The following GNAQ variants were observed in gnomAD, a reference collection of about 807,000 sequenced individuals.
GNAQ encodes the protein G protein subunit alpha q, also known as guanine nucleotide-binding protein G(q) subunit alpha.
In GNAQ, 8 loss-of-function variants were observed where a neutral mutation model predicts 43.9. The observed-to-expected ratio is 0.18, with a 90% CI of 0.11 to 0.33. The LOEUF is 0.33. Ranked by LOEUF, GNAQ falls within the 10% of genes least tolerant of loss-of-function variation. The probability of loss-of-function intolerance (pLI) is 1.00; values close to 1 mark genes in which losing one functional copy is unlikely to be tolerated. For synonymous variants in GNAQ, 155 were observed against 170.7 expected, an observed-to-expected ratio of 0.91 and a Z score of 0.71; for missense variants, 158 against 450.8, an observed-to-expected ratio of 0.35 and a Z score of 5.88.
intron 2 of GNAQ, among the ~76,000 whole-genome samples, chr9:77,826,899 C>T (rs990439941): frequency 6.6e-6 from 1 of 152,102 alleles, no homozygotes; most frequent in Non-Finnish European, 1.5e-5. Context: ...TTTTTGTATT[C>T]AGTAAAACAA....
chr9:77,973,798 A>T (rs1758858469), intron 1 of GNAQ, among the ~76,000 whole-genome samples: 2 of 152,294 alleles, frequency 1.3e-5, no homozygotes, highest in African/African-American at 4.8e-5. Flanking sequence ...AGCCTGGGCG[A>T]CAGAGTGAGA....
chr9:77,987,778 C>T (rs905956821), intron 1 of GNAQ, among the ~76,000 whole-genome samples: 1 of 152,138 alleles, frequency 6.6e-6, no homozygotes, highest in Non-Finnish European at 1.5e-5. Context: ...CACCTGCAGT[C>T]CCAGCTATTT....
At chr9:77,827,825 A>G (rs528199475) in intron 2 of GNAQ, among the ~76,000 whole-genome samples, 1 of 152,120 alleles carries the variant, frequency 6.6e-6, no homozygotes, top group African/African-American at 2.4e-5. Flanking sequence ...GTTAAAAAAT[A>G]TATGAGTTAG....
At chr9:77,750,628 A>C (rs1196873182) in intron 5 of GNAQ, among the ~76,000 whole-genome samples, 1 of 150,806 alleles carries the variant, frequency 6.6e-6, no homozygotes, top group East Asian at 1.9e-4. Flanking sequence ...CTTTATTTCT[A>C]ACTCTTTCTT....
chr9:77,885,126 C>T (rs143016451), intron 2 of GNAQ, among the ~76,000 whole-genome samples: 227 of 152,212 alleles, frequency 1.5e-3, no homozygotes, highest in African/African-American at 5.2e-3. Flanking sequence ...TTGTCCCATA[C>T]CTTCATTTTG....
intron 1 of GNAQ, among the ~76,000 whole-genome samples, chr9:77,944,043 A>C (rs917105436): frequency 1.3e-5 from 2 of 152,132 alleles, no homozygotes; most frequent in Non-Finnish European, 2.9e-5. Context: ...AACATTCAAT[A>C]GTGAGAAAAT....
chr9:77,874,283 G>A (rs770461966), intron 2 of GNAQ, among the ~76,000 whole-genome samples: 1 of 152,070 alleles, frequency 6.6e-6, no homozygotes, highest in East Asian at 1.9e-4. Flanking sequence ...GGTAAAACGA[G>A]TCTTTCCTCC....
chr9:77,800,042 G>C (rs1261184017), intron 3 of GNAQ, among the ~76,000 whole-genome samples: 1 of 152,178 alleles, frequency 6.6e-6, no homozygotes, highest in Admixed American at 6.6e-5. Flanking sequence ...CATGTTCTGG[G>C]AAGGGATCTG....
At chr9:77,891,702 T>C (rs1421990683) in intron 2 of GNAQ, among the ~76,000 whole-genome samples, 2 of 152,212 alleles carry the variant, frequency 1.3e-5, no homozygotes, top group Non-Finnish European at 2.9e-5. Flanking sequence ...GTCAGAGCTT[T>C]GAAAGCCGTA....
intron 5 of GNAQ, among the ~76,000 whole-genome samples, chr9:77,775,465 A>G (rs939147356): frequency 6.3e-5 from 9 of 143,444 alleles, no homozygotes; most frequent in Admixed American, 1.4e-4. Flanking sequence ...GCTGGAGTAC[A>G]GTGGCGTGAT....
At chr9:77,917,237 G>A (rs901693215) in intron 2 of GNAQ, among the ~76,000 whole-genome samples, 5 of 152,166 alleles carry the variant, frequency 3.3e-5, no homozygotes, top group Admixed American at 2.0e-4. Flanking sequence ...TCCCTCAGCT[G>A]TAACTCAAAG....
intron 2 of GNAQ, among the ~76,000 whole-genome samples, chr9:77,825,170 C>A (rs1208178311): frequency 3.9e-5 from 6 of 152,086 alleles, no homozygotes; most frequent in Non-Finnish European, 8.8e-5. Context: ...AACAAAAATA[C>A]AGTACTTAAT....
At chr9:77,870,775 C>T (rs1344220026) in intron 2 of GNAQ, among the ~76,000 whole-genome samples, 1 of 151,684 alleles carries the variant, frequency 6.6e-6, no homozygotes, top group Non-Finnish European at 1.5e-5. Context: ...AAATAAAATA[C>T]TACTAACCAA....
chr9:77,880,211 C>G (rs948752643), intron 2 of GNAQ, among the ~76,000 whole-genome samples: 1 of 152,116 alleles, frequency 6.6e-6, no homozygotes, highest in Non-Finnish European at 1.5e-5. Context: ...CCTTAGTTTC[C>G]CCACCATAAA....
chr9:77,948,325 G>A (rs1211095755), intron 1 of GNAQ, among the ~76,000 whole-genome samples: 2 of 152,106 alleles, frequency 1.3e-5, no homozygotes, highest in African/African-American at 2.4e-5. Context: ...CTTGCTCCTC[G>A]CAGGAACCTC....
At chr9:78,009,481 T>C (rs1389162868) in intron 1 of GNAQ, among the ~76,000 whole-genome samples, 4 of 152,214 alleles carry the variant, frequency 2.6e-5, no homozygotes, top group Non-Finnish European at 4.4e-5. Flanking sequence ...AAGTCAAATG[T>C]GGGTAGCCTA....
chr9:77,870,563 T>C (rs1273334507), intron 2 of GNAQ, among the ~76,000 whole-genome samples: 1 of 151,940 alleles, frequency 6.6e-6, no homozygotes, highest in Non-Finnish European at 1.5e-5. Flanking sequence ...CCTGGTCTCG[T>C]GATCCGCCCG....
chr9:77,829,389 GTGTTAA>G (rs1480201749), intron 2 of GNAQ, among the ~76,000 whole-genome samples: 1 of 152,114 alleles, frequency 6.6e-6, no homozygotes, highest in Non-Finnish European at 1.5e-5. Context: ...CTCCATAGTA[GTGTTAA>G]GCTCATCTTG....
At chr9:77,981,328 A>G (rs1401350308) in intron 1 of GNAQ, among the ~76,000 whole-genome samples, 1 of 152,240 alleles carries the variant, frequency 6.6e-6, no homozygotes, top group African/African-American at 2.4e-5. Context: ...AAAAAATATA[A>G]TCAGTCCTTT....
Sources: allele counts gnomAD v4.1 joint callset (sites outside exome capture counted in the v4.1 genomes callset), GRCh38; gene constraint gnomAD v4.1.1; transcripts MANE v1.5; gene names NCBI Gene and HGNC (gene_info 2026-07-23, HGNC 2026-07-21).